Variants in PANK2 observed in about 807,000 individuals in gnomAD.
PANK2 encodes pantothenate kinase 2.
Under a neutral mutation model 43.1 loss-of-function variants are expected in PANK2, and 36 were observed. The ratio of observed to expected loss-of-function variants is 0.84; its 90% CI spans 0.64 to 1.10. The LOEUF is 1.10. PANK2 is among the 50% of genes least tolerant of loss of function. The pLI is 0.00. For missense variants in PANK2, 576 were observed against 593.3 expected (o/e 0.97, Z 0.30); for synonymous variants, 281 against 238.2 (o/e 1.18, Z -1.66).
At chr20:3,898,917 T>A (rs2090253924) in intron 1 of PANK2, among the ~76,000 whole-genome samples, 1 of 151,814 alleles carries the variant, frequency 6.6e-6, no homozygotes, top group Non-Finnish European at 1.5e-5. Context: ...TGCTGTTGTC[T>A]AGGCTGGAGT....
At chr20:3,919,041 G>A (rs1439927031) in intron 6 of PANK2, among the ~76,000 whole-genome samples, 1 of 152,142 alleles carries the variant, frequency 6.6e-6, no homozygotes, top group Non-Finnish European at 1.5e-5. Flanking sequence ...TAAGTAGCTG[G>A]GATTACAAGT....
Position 3,900,321 on chromosome 20 carries a change from T to C in PANK2, c.299-7605T>C, listed in dbSNP as rs574273461. 3.3e-5 allele frequency among the ~76,000 whole-genome samples: 5 copies of C among 151,932 alleles called. No homozygotes were observed. In the South Asian group the frequency reaches 8.3e-4, roughly 25 times the overall value. Reference sequence around the variant, plus strand: ...AGGGAAAGGAAGGGGCGTGATTGTCTGGAGGGGCACCTCTTGTAATGTGAG... The same window carrying C: ...AGGGAAAGGAAGGGGCGTGATTGTCCGGAGGGGCACCTCTTGTAATGTGAG... On this transcript the variant is annotated intron_variant, in intron 1 of 6. Transcript: ENST00000610179.
chr20:3,906,098 G>A (rs2090382846), intron 1 of PANK2, among the ~76,000 whole-genome samples: 1 of 152,026 alleles, frequency 6.6e-6, no homozygotes, highest in African/African-American at 2.4e-5. Flanking sequence ...CGATGTTTAT[G>A]CTACATTCCA....
At chr20:3,904,292 C>T (rs1396408340) in intron 1 of PANK2, among the ~76,000 whole-genome samples, 1 of 151,808 alleles carries the variant, frequency 6.6e-6, no homozygotes, top group Non-Finnish European at 1.5e-5. Context: ...TAAATTTTGC[C>T]AATTTTGGCT....
chr20:3,904,768 T>G (rs536552321), intron 1 of PANK2, among the ~76,000 whole-genome samples: 4 of 152,310 alleles, frequency 2.6e-5, no homozygotes, highest in Non-Finnish European at 5.9e-5. Context: ...TCTGAGAATA[T>G]TTTTGATTCT....
rs1329914653 is a variant in PANK2 at position 3,928,000 on chromosome 20, CTT to C, written c.*4710_*4711del. ...AGTAAGGTTTACTACACAAGCCCCT[CTT>C]TTTCTTCTGATATCCCCACTCAAAT... On this transcript the variant is annotated 3_prime_UTR_variant, in exon 7 of 7. Transcript: ENST00000610179. 6.6e-6 allele frequency: 1 copy of C among 152,210 alleles called. No individual in the cohort carries two copies. Among genetic ancestry groups the C allele is most frequent in the Non-Finnish European group, 1.5e-5 (1 of 68,050 alleles). 9.4% of individuals were successfully genotyped at this position (152,210 alleles called of 1,614,324 possible). A position where few individuals can be genotyped will look rare whatever the true frequency, so the allele number is the denominator to read the frequency against.
chr20:3,889,224 C>G (rs945125180), upstream of PANK2: 1 of 1,613,158 alleles, frequency 6.2e-7, no homozygotes, highest in Non-Finnish European at 8.5e-7. Context: ...CACCCTCTCC[C>G]CGCCCCGTCA....
chr20:3,928,747 C>CAAAAAAAAAAA lies in PANK2; in HGVS notation c.*5475_*5485dup, dbSNP rs528166005. 3.5e-5 allele frequency: 2 copies of CAAAAAAAAAAA among 56,840 alleles called. No homozygotes were observed. Among genetic ancestry groups the CAAAAAAAAAAA allele is most frequent in the Non-Finnish European group, 3.4e-5 (1 of 29,020 alleles). The allele number at this position is 56,840 out of a possible 1,614,324, so 3.5% of individuals were successfully genotyped here. A position where few individuals can be genotyped will look rare whatever the true frequency, so the allele number is the denominator to read the frequency against. On this transcript the variant is annotated 3_prime_UTR_variant, in exon 7 of 7. Transcript: ENST00000610179. Reference sequence around the variant, plus strand: ...TGGGTGACAGAGCGAGACTCCGTCTCAAAAAAAAAAAAAAAAAAAAAAAAA... The same window carrying CAAAAAAAAAAA: ...TGGGTGACAGAGCGAGACTCCGTCTCAAAAAAAAAAAAAAAAAAAAAAAAAAAAAAAAAAAA...
At chr20:3,912,930 CAAAAAAAA>C (rs71331078) in intron 4 of PANK2, among the ~76,000 whole-genome samples, 44 of 71,494 alleles carry the variant, frequency 6.2e-4, no homozygotes, top group African/African-American at 2.2e-3. Flanking sequence ...GACTCTGTCT[CAAAAAAAA>C]AAAAAAAAAA....
At chr20:3,909,204 C>T (rs1295795064) in intron 2 of PANK2, among the ~76,000 whole-genome samples, 2 of 152,180 alleles carry the variant, frequency 1.3e-5, no homozygotes, top group Admixed American at 1.3e-4. Flanking sequence ...CTTCAGCCTC[C>T]CAAGTAGCTG....
At chr20:3,901,153 C>T (rs1349111829) in intron 1 of PANK2, among the ~76,000 whole-genome samples, 1 of 151,862 alleles carries the variant, frequency 6.6e-6, no homozygotes, top group African/African-American at 2.4e-5. Flanking sequence ...AACTCTTGGG[C>T]TCAAGCGATC....
Position 3,923,424 on chromosome 20 carries a change from C to G in PANK2, c.*130C>G, listed in dbSNP as rs2090677750. 4 of 993,366 alleles carry G rather than the reference C, an allele frequency of 4.0e-6. No individual in the cohort carries two copies. The African/African-American group carries it at 6.5e-5, about 16-fold the overall frequency. The allele number at this position is 993,366 out of a possible 1,614,324, so 61.5% of individuals were successfully genotyped here. A position where few individuals can be genotyped will look rare whatever the true frequency, so the allele number is the denominator to read the frequency against. ...AGTGAGAAAGGACAGGTGTATTTTT[C>G]TAAGTCATCAAGATAAATCCTTAAG... On this transcript the variant is annotated 3_prime_UTR_variant, in exon 7 of 7. Transcript: ENST00000610179.
chr20:3,888,978 A>C, upstream of PANK2: 1 of 756,106 alleles, frequency 1.3e-6, no homozygotes, highest in Non-Finnish European at 2.1e-6. Flanking sequence ...GCTGGGCTGG[A>C]GGAGGGCTCG....
At chr20:3,909,685 G>A (rs151083134) in intron 2 of PANK2, among the ~76,000 whole-genome samples, 37 of 152,122 alleles carry the variant, frequency 2.4e-4, no homozygotes, top group Non-Finnish European at 4.7e-4. Flanking sequence ...TGCCTCCTGG[G>A]TTCAAGAGAT....
chr20:3,912,471 AC>A lies in PANK2; in HGVS notation c.920del (p.Thr307IlefsTer33). The A allele has an allele frequency of 6.2e-7, 1 of 1,614,074 alleles. No individual in the cohort carries two copies. The highest frequency in any genetic ancestry group is 8.5e-7 in the Non-Finnish European group (1 of 1,180,012). The stretch of plus-strand genomic sequence containing the variant: ...TTTTAATCATAGTCTTGGAGGAGGA[AC>A]TTTTTTTGGTCTCTGCTGTCTTCTT... On this transcript the variant is annotated frameshift_variant, in exon 4 of 7. Coordinates refer to ENST00000610179, the MANE Select transcript of PANK2 (RefSeq NM_001386393.1). LOFTEE classifies it high-confidence loss of function.
intron 1 of PANK2, among the ~76,000 whole-genome samples, chr20:3,894,574 T>TTTTA (rs554354693): frequency 3.6e-4 from 55 of 151,084 alleles, no homozygotes; most frequent in East Asian, 1.6e-3. Flanking sequence ...TTTATCAACT[T>TTTTA]TTTATTTATT....
chr20:3,915,970 T>C (rs903088739), intron 4 of PANK2, among the ~76,000 whole-genome samples: 2 of 152,224 alleles, frequency 1.3e-5, no homozygotes, highest in African/African-American at 4.8e-5. Context: ...ACCTTGAGAA[T>C]ATGAATTGTA....
intron 1 of PANK2, 62 bp downstream of exon 1, chr20:3,889,790 C>T: frequency 1.9e-6 from 3 of 1,549,782 alleles, no homozygotes; most frequent in Admixed American, 1.9e-5. Flanking sequence ...CCACCCTGTC[C>T]CCTTCCGGCC....
At position 3,928,677 on chromosome 20, in the gene PANK2, G is replaced by T. The variant is rs2090765791; in HGVS notation, c.*5383G>T. 6.8e-6 allele frequency: 1 copy of T among 147,672 alleles called. No individual in the cohort carries two copies. The highest frequency in any genetic ancestry group is 6.8e-5 in the Admixed American group (1 of 14,772). The allele number at this position is 147,672 out of a possible 1,614,324, so 9.1% of individuals were successfully genotyped here. ...GCGGGAGAATGGCGTGAACCTGGGA[G>T]GCGGAGCTTGCAGTGGGCCAAGATC... On this transcript the variant is annotated 3_prime_UTR_variant, in exon 7 of 7. Transcript: ENST00000610179.
Sources: gnomAD v4.1 joint callset for allele counts (sites outside exome capture counted in the v4.1 genomes callset) on GRCh38, gnomAD v4.1.1 for gene constraint, MANE v1.5 for transcripts, NCBI Gene and HGNC (gene_info 2026-07-23, HGNC 2026-07-21) for gene names.